The following MDGA2 variants were observed in gnomAD, a reference collection of about 807,000 sequenced individuals.
MDGA2 encodes MAM domain containing glycosylphosphatidylinositol anchor 2, also known as MAM domain-containing glycosylphosphatidylinositol anchor protein 2.
MDGA2 carries 40 observed loss-of-function variants against 117.8 expected under a neutral mutation model. The ratio of observed to expected loss-of-function variants is 0.34; its 90% CI spans 0.26 to 0.44. The LOEUF is 0.44. MDGA2 is among the 20% of genes least tolerant of loss of function. The pLI is 1.00. For missense variants in MDGA2, 1,123 were observed against 1,250.6 expected (o/e 0.90, Z 1.54); for synonymous variants, 452 against 439.0 (o/e 1.03, Z -0.37).
At chr14:47,542,785 T>C (rs1895378983) in intron 1 of MDGA2, among the ~76,000 whole-genome samples, 1 of 152,262 alleles carries the variant, frequency 6.6e-6, no homozygotes, top group African/African-American at 2.4e-5. Flanking sequence ...AATGCTACTT[T>C]ATATACATTT....
chr14:47,228,299 G>A (rs1886576360), intron 2 of MDGA2, among the ~76,000 whole-genome samples: 1 of 152,160 alleles, frequency 6.6e-6, no homozygotes, highest in South Asian at 2.1e-4. Flanking sequence ...ATGATTCACA[G>A]AGGACTTTGT....
intron 1 of MDGA2, among the ~76,000 whole-genome samples, chr14:47,384,053 G>A (rs1245608218): frequency 6.6e-6 from 1 of 151,252 alleles, no homozygotes; most frequent in African/African-American, 2.4e-5. Context: ...AGAACATAAT[G>A]ATATTCCATA....
intron 7 of MDGA2, among the ~76,000 whole-genome samples, chr14:47,042,327 TTGTGTG>T (rs1224005314): frequency 6.9e-6 from 1 of 144,742 alleles, no homozygotes; most frequent in Non-Finnish European, 1.5e-5. Context: ...TTTTTTTTTT[TTGTGTG>T]TGTGTGTGTG....
intron 1 of MDGA2, among the ~76,000 whole-genome samples, chr14:47,486,552 G>A (rs1399851574): frequency 6.6e-6 from 1 of 151,986 alleles, no homozygotes; most frequent in Non-Finnish European, 1.5e-5. Flanking sequence ...GAGATTTGGG[G>A]GGTGGCCAGG....
chr14:47,225,465 G>A (rs1594737718), intron 2 of MDGA2, among the ~76,000 whole-genome samples: 2 of 152,002 alleles, frequency 1.3e-5, no homozygotes, highest in East Asian at 1.9e-4. Context: ...TAGACACCAC[G>A]GAATACTATG....
At chr14:47,509,496 C>A (rs931801007) in intron 1 of MDGA2, among the ~76,000 whole-genome samples, 1 of 152,110 alleles carries the variant, frequency 6.6e-6, no homozygotes, top group East Asian at 1.9e-4. Flanking sequence ...GCTGCCTCCA[C>A]CTACCTTTCA....
At chr14:47,019,267 C>G (rs1311654597) in intron 8 of MDGA2, among the ~76,000 whole-genome samples, 1 of 152,072 alleles carries the variant, frequency 6.6e-6, no homozygotes, top group East Asian at 1.9e-4. Context: ...TAGGAAGAAT[C>G]ATCATAATTT....
chr14:46,881,695 T>A (rs994191105), intron 11 of MDGA2, among the ~76,000 whole-genome samples: 1 of 152,116 alleles, frequency 6.6e-6, no homozygotes, highest in South Asian at 2.1e-4. Flanking sequence ...TGAATTTTGA[T>A]CTTTTTTTAC....
At chr14:47,363,321 G>A (rs1344203073) in intron 1 of MDGA2, among the ~76,000 whole-genome samples, 1 of 151,970 alleles carries the variant, frequency 6.6e-6, no homozygotes, top group East Asian at 1.9e-4. Flanking sequence ...GCAGTGGCAC[G>A]ATCTCAGCTC....
At chr14:47,055,676 A>C (rs1350532703) in intron 7 of MDGA2, among the ~76,000 whole-genome samples, 1 of 152,146 alleles carries the variant, frequency 6.6e-6, no homozygotes, top group African/African-American at 2.4e-5. Flanking sequence ...GGATATCAAA[A>C]GTGTAGGTTT....
chr14:47,012,510 G>C (rs1887929500), intron 8 of MDGA2, among the ~76,000 whole-genome samples: 1 of 152,144 alleles, frequency 6.6e-6, no homozygotes, highest in Non-Finnish European at 1.5e-5. Flanking sequence ...GGTTAGGAAA[G>C]TAACATAGAA....
chr14:47,510,234 C>T (rs1195292477), intron 1 of MDGA2, among the ~76,000 whole-genome samples: 1 of 152,078 alleles, frequency 6.6e-6, no homozygotes, highest in Non-Finnish European at 1.5e-5. Flanking sequence ...AGTCTGCAAC[C>T]TAGAAGAGAG....
intron 1 of MDGA2, among the ~76,000 whole-genome samples, chr14:47,501,622 T>C (rs4900775): frequency 0.19 from 29,008 of 152,050 alleles, 3,486 homozygotes; most frequent in East Asian, 0.53. Flanking sequence ...CAAGTTAAAA[T>C]TAGGTCATTA....
intron 1 of MDGA2, among the ~76,000 whole-genome samples, chr14:47,539,514 T>C (rs1895294407): frequency 6.6e-6 from 1 of 152,052 alleles, no homozygotes; most frequent in South Asian, 2.1e-4. Flanking sequence ...CACTCAACAA[T>C]CAAAAGAGGA....
At chr14:47,099,476 A>C (rs992664285) in intron 5 of MDGA2, among the ~76,000 whole-genome samples, 2 of 151,992 alleles carry the variant, frequency 1.3e-5, no homozygotes, top group Admixed American at 1.3e-4. Flanking sequence ...GGGTATACAA[A>C]GAGTAACATA....
intron 2 of MDGA2, among the ~76,000 whole-genome samples, chr14:47,286,698 A>G (rs527358421): frequency 1.3e-5 from 2 of 151,502 alleles, no homozygotes; most frequent in Admixed American, 6.6e-5. Context: ...TAGATCCCAT[A>G]TATTTTACCC....
chr14:47,658,156 G>A (rs987799752), intron 1 of MDGA2, among the ~76,000 whole-genome samples: 2 of 150,210 alleles, frequency 1.3e-5, no homozygotes, highest in African/African-American at 4.9e-5. Context: ...AGACAAGCAG[G>A]CAAAGAACAA....
chr14:47,529,761 G>C (rs887087569), intron 1 of MDGA2, among the ~76,000 whole-genome samples: 2 of 152,196 alleles, frequency 1.3e-5, no homozygotes, highest in Non-Finnish European at 2.9e-5. Flanking sequence ...GTAGGGGTAA[G>C]TTACATGTTT....
At chr14:47,595,181 T>C (rs1896512911) in intron 1 of MDGA2, among the ~76,000 whole-genome samples, 1 of 151,732 alleles carries the variant, frequency 6.6e-6, no homozygotes, top group Non-Finnish European at 1.5e-5. Context: ...AAGTGACTAA[T>C]GTAATAATTG....
Sources: gnomAD v4.1 joint callset for allele counts (sites outside exome capture counted in the v4.1 genomes callset) on GRCh38, gnomAD v4.1.1 for gene constraint, MANE v1.5 for transcripts, NCBI Gene and HGNC (gene_info 2026-07-23, HGNC 2026-07-21) for gene names.